PPP2R3B: variants seen among roughly 807,000 people sequenced by gnomAD.
The protein encoded by PPP2R3B is protein phosphatase 2 regulatory subunit B''beta, also known as serine/threonine-protein phosphatase 2A regulatory subunit B'' subunit beta.
Under a neutral mutation model 72.9 loss-of-function variants are expected in PPP2R3B, and 68 were observed. That is an observed-to-expected ratio of 0.93 (90% CI 0.77 to 1.14). The LOEUF is 1.14. PPP2R3B is among the 50% of genes most tolerant of loss of function. PPP2R3B has a pLI of 0.00. For synonymous variants in PPP2R3B, 466 were observed against 375.8 expected (o/e 1.24, Z -2.78); for missense variants, 1,018 against 842.0 (o/e 1.21, Z -2.59).
At position 341,484 on chromosome X, in the gene PPP2R3B, G is replaced by A. The variant is rs1461187283; in HGVS notation, c.1086-88C>T. The A allele has an allele frequency of 3.8e-5, 53 of 1,403,584 alleles. No individual in the cohort carries two copies. The African/African-American group carries it at 6.6e-4, about 18-fold the overall frequency. 86.9% of individuals were successfully genotyped at this position (1,403,584 alleles called of 1,614,324 possible). ...AGCCCCTGTCCACGCGCCTCGGTGA[G>A]GGGAGCCCCCCGGGCCCGGCCCTCC... On this transcript the variant is annotated intron_variant, in intron 8 of 12. Transcript: ENST00000390665.
At chrX:377,803 C>T (rs751176678) in intron 1 of PPP2R3B, among the ~76,000 whole-genome samples, 7 of 131,362 alleles carry the variant, frequency 5.3e-5, no homozygotes, top group Non-Finnish European at 1.1e-4. Context: ...CCAGTGGGGC[C>T]ACCATGGGGC....
chrX:364,814 CGG>C, intron 1 of PPP2R3B, among the ~76,000 whole-genome samples: 1 of 61,148 alleles, frequency 1.6e-5, no homozygotes, highest in Non-Finnish European at 2.8e-5. Context: ...ACACAGGAGG[CGG>C]AGGTTGCAGT....
At chrX:360,426 T>C (rs1028208805) in intron 2 of PPP2R3B, among the ~76,000 whole-genome samples, 3 of 152,106 alleles carry the variant, frequency 2.0e-5, no homozygotes, top group African/African-American at 7.2e-5. Context: ...CCCAGCTACT[T>C]GGGAGGCTGA....
At chrX:355,253 C>A (rs2738397) in intron 2 of PPP2R3B, among the ~76,000 whole-genome samples, 1 of 152,048 alleles carries the variant, frequency 6.6e-6, no homozygotes, top group Non-Finnish European at 1.5e-5. Context: ...AAAAATACCA[C>A]GTACAGTGTC....
intron 1 of PPP2R3B, among the ~76,000 whole-genome samples, chrX:382,300 T>C (rs1165694775): frequency 6.6e-6 from 1 of 150,938 alleles, no homozygotes; most frequent in Non-Finnish European, 1.5e-5. Context: ...CAGGTTCAAG[T>C]GATTCTCCTG....
intron 6 of PPP2R3B, 119 bp from the exon 7 acceptor site, chrX:345,791 G>GA: frequency 2.2e-6 from 1 of 450,568 alleles, no homozygotes; most frequent in South Asian, 1.8e-5. Context: ...GGGTGGGGGG[G>GA]ACTGGGCAGC....
intron 12 of PPP2R3B, chrX:337,574 C>CA (rs1202899476): frequency 6.6e-6 from 1 of 152,320 alleles, no homozygotes; most frequent in African/African-American, 2.4e-5. Flanking sequence ...ACCACCACGT[C>CA]AGAGTCCAAC....
chrX:357,596 G>C (rs1302109652), intron 2 of PPP2R3B, among the ~76,000 whole-genome samples: 2 of 152,142 alleles, frequency 1.3e-5, no homozygotes, highest in Admixed American at 1.3e-4. Flanking sequence ...TCAAGATTTT[G>C]TAAATCGTAC....
intron 2 of PPP2R3B, among the ~76,000 whole-genome samples, chrX:360,480 G>C (rs2071517170): frequency 6.6e-6 from 1 of 152,164 alleles, no homozygotes; most frequent in Non-Finnish European, 1.5e-5. Context: ...GTTGCAGTGA[G>C]CCGAGATTAC....
intron 2 of PPP2R3B, among the ~76,000 whole-genome samples, chrX:357,460 A>G (rs2071460158): frequency 6.6e-6 from 1 of 152,196 alleles, no homozygotes; most frequent in African/African-American, 2.4e-5. Context: ...GAACTGAAAT[A>G]ATCTGTAACA....
At chrX:358,643 G>A (rs768516618) in intron 2 of PPP2R3B, among the ~76,000 whole-genome samples, 1 of 151,030 alleles carries the variant, frequency 6.6e-6, no homozygotes, top group African/African-American at 2.4e-5. Context: ...GTTCTTTCAA[G>A]TCTTAAAGCC....
At chrX:354,638 C>T (rs1464721522) in intron 2 of PPP2R3B, among the ~76,000 whole-genome samples, 4 of 152,182 alleles carry the variant, frequency 2.6e-5, no homozygotes, top group Non-Finnish European at 5.9e-5. Flanking sequence ...ATCCTTCCAG[C>T]CCAGGAGTTC....
intron 1 of PPP2R3B, among the ~76,000 whole-genome samples, chrX:363,288 T>A (rs1185678712): frequency 4.0e-5 from 6 of 149,550 alleles, no homozygotes; most frequent in South Asian, 2.1e-4. Context: ...GAGCCCACGA[T>A]CCCGCAGTGC....
intron 1 of PPP2R3B, among the ~76,000 whole-genome samples, chrX:374,970 A>C (rs780473955): frequency 1.3e-5 from 2 of 152,126 alleles, no homozygotes; most frequent in African/African-American, 4.8e-5. Flanking sequence ...CGAGTGTCCT[A>C]GACTTGGAAC....
At chrX:346,371 G>T in intron 5 of PPP2R3B, 111 bp from the exon 6 acceptor site, 1 of 1,067,574 alleles carries the variant, frequency 9.4e-7, no homozygotes, top group Non-Finnish European at 1.4e-6. Context: ...GCCGCACGGG[G>T]CCGCCAGGGC....
intron 1 of PPP2R3B, among the ~76,000 whole-genome samples, chrX:374,522 C>T (rs1047505265): frequency 1.3e-5 from 2 of 152,122 alleles, no homozygotes; most frequent in African/African-American, 2.4e-5. Flanking sequence ...AAAAGAGGGG[C>T]GGTGGAAAAG....
intron 12 of PPP2R3B, chrX:336,366 C>T (rs1292173474): frequency 6.6e-6 from 1 of 152,178 alleles, no homozygotes; most frequent in Non-Finnish European, 1.5e-5. Flanking sequence ...GCGAGAAAGC[C>T]CCCGCAGACC....
At position 353,578 on chromosome X, in the gene PPP2R3B, C is replaced by T. The variant is rs186655720; in HGVS notation, c.511-5885G>A. ...AAAGGACATTTTCCAAGCAACTCTC[C>T]GAGGCCAGCATCCCCCCGATGCTAA... On this transcript the variant is annotated intron_variant, in intron 2 of 12. Coordinates refer to ENST00000390665, the MANE Select transcript of PPP2R3B (RefSeq NM_013239.5). 9.5e-4 allele frequency among the ~76,000 whole-genome samples: 144 copies of T among 152,346 alleles called. 1 individual carries two copies. Among genetic ancestry groups the T allele is most frequent in the African/African-American group, 3.4e-3 (140 of 41,572 alleles).
At chrX:366,998 A>G (rs984401550) in intron 1 of PPP2R3B, among the ~76,000 whole-genome samples, 2 of 151,454 alleles carry the variant, frequency 1.3e-5, no homozygotes, top group African/African-American at 4.9e-5. Context: ...ACTGTCCTCC[A>G]GCCTGGGTGA....
Sources: allele counts gnomAD v4.1 joint callset (sites outside exome capture counted in the v4.1 genomes callset), GRCh38; gene constraint gnomAD v4.1.1; transcripts MANE v1.5; gene names NCBI Gene and HGNC (gene_info 2026-07-23, HGNC 2026-07-21).